FSIP1: variants seen among roughly 807,000 people sequenced by gnomAD.
FSIP1 encodes the protein fibrous sheath-interacting protein 1.
FSIP1 carries 65 observed loss-of-function variants against 60.9 expected under a neutral mutation model. The ratio of observed to expected loss-of-function variants is 1.07; its 90% CI spans 0.87 to 1.31. The LOEUF (loss-of-function observed/expected upper bound fraction) is 1.31, where lower values mean the gene tolerates loss of function less well. Among genes scored for constraint, FSIP1 ranks in the 40% most tolerant of loss-of-function variants. The probability of loss-of-function intolerance (pLI) is 0.00; values close to 1 mark genes in which losing one functional copy is unlikely to be tolerated. For missense variants in FSIP1, 675 were observed against 665.5 expected, an observed-to-expected ratio of 1.01 and a Z score of -0.16; for synonymous variants, 209 against 221.2, an observed-to-expected ratio of 0.94 and a Z score of 0.49.
chr15:39,675,217 T>C (rs906713382), intron 10 of FSIP1, among the ~76,000 whole-genome samples: 6 of 152,186 alleles, frequency 3.9e-5, no homozygotes, highest in African/African-American at 1.4e-4. Flanking sequence ...TTCTTAAATA[T>C]TGCTGGTAGG....
At chr15:39,770,291 CTA>C (rs1897835973) in intron 3 of FSIP1, 134 bp downstream of exon 3, 1 of 545,302 alleles carries the variant, frequency 1.8e-6, no homozygotes, top group Non-Finnish European at 3.0e-6. Context: ...CACAAATAGT[CTA>C]TGTCTTTTTT....
intron 10 of FSIP1, among the ~76,000 whole-genome samples, chr15:39,653,437 A>G (rs567682932): frequency 5.3e-5 from 8 of 152,270 alleles, no homozygotes; most frequent in Non-Finnish European, 8.8e-5. Flanking sequence ...ATTTTTTAAA[A>G]CTTTTTTACT....
chr15:39,737,048 G>T (rs1209601293), intron 8 of FSIP1, among the ~76,000 whole-genome samples: 1 of 152,126 alleles, frequency 6.6e-6, no homozygotes, highest in Admixed American at 6.5e-5. Flanking sequence ...ATGGGCAGGG[G>T]GCCAGCAGCA....
chr15:39,659,968 AG>A (rs1223253988), intron 10 of FSIP1, among the ~76,000 whole-genome samples: 1 of 152,222 alleles, frequency 6.6e-6, no homozygotes, highest in Admixed American at 6.5e-5. Flanking sequence ...CACAAGACTT[AG>A]TGTGACTTCT....
chr15:39,730,224 C>A (rs1415951174), intron 8 of FSIP1, among the ~76,000 whole-genome samples: 1 of 152,010 alleles, frequency 6.6e-6, no homozygotes, highest in Non-Finnish European at 1.5e-5. Flanking sequence ...TTGTTTGGGA[C>A]CTTTTGAAAC....
chr15:39,744,453 G>T (rs988367624), intron 5 of FSIP1, among the ~76,000 whole-genome samples: 1 of 152,164 alleles, frequency 6.6e-6, no homozygotes, highest in Non-Finnish European at 1.5e-5. Context: ...TAGAGGACCT[G>T]GAAGACCAGC....
At chr15:39,601,060 C>A in intron 11 of FSIP1, 134 bp from the exon 12 acceptor site, 1 of 636,750 alleles carries the variant, frequency 1.6e-6, no homozygotes, top group Non-Finnish European at 2.6e-6. Context: ...TTAATACTTA[C>A]TGAACAGTCA....
At chr15:39,739,448 T>A (rs1896728875) in intron 7 of FSIP1, among the ~76,000 whole-genome samples, 1 of 152,246 alleles carries the variant, frequency 6.6e-6, no homozygotes, top group Non-Finnish European at 1.5e-5. Flanking sequence ...CACCTACCAT[T>A]TTTAAAAAGA....
downstream of FSIP1, chr15:39,597,971 T>C (rs933539192): frequency 6.6e-6 from 1 of 152,174 alleles, no homozygotes; most frequent in Non-Finnish European, 1.5e-5. Flanking sequence ...GCATTACAGA[T>C]ACCTCCTCTT....
intron 7 of FSIP1, 62 bp downstream of exon 7, chr15:39,739,603 A>G (rs1352865453): frequency 6.9e-7 from 1 of 1,442,172 alleles, no homozygotes. Flanking sequence ...GAACAAAACT[A>G]TTGCCATTTT....
rs1896206748 is a variant in FSIP1, at chr15:39,726,623, C to T, written c.1016G>A (p.Ser339Asn). The stretch of plus-strand genomic sequence containing the variant: ...CCGATTTTCAAGTCTTGGAGAAAAA[C>T]TGGAAATTGTAGGGGAGGCTGCAGA... ...ELSAASPTISSFSPRLENRNN... is the reference protein window; with the variant it reads ...ELSAASPTISNFSPRLENRNN... The change falls in exon 9 of 12, where the codon AGT becomes AAT. Residue 339 changes from serine (S) to asparagine (N), a missense_variant. Transcript: ENST00000350221. 1.9e-6 allele frequency: 3 copies of T among 1,614,022 alleles called. No individual in the cohort carries two copies. Among genetic ancestry groups the T allele is most frequent in the Non-Finnish European group, 2.5e-6 (3 of 1,179,990 alleles).
At chr15:39,770,169 C>T (rs370157069) in intron 3 of FSIP1, among the ~76,000 whole-genome samples, 1 of 152,060 alleles carries the variant, frequency 6.6e-6, no homozygotes, top group African/African-American at 2.4e-5. Flanking sequence ...GAAATACTCC[C>T]TACTTGATTA....
At chr15:39,623,344 T>C (rs892336209) in intron 10 of FSIP1, among the ~76,000 whole-genome samples, 2 of 152,222 alleles carry the variant, frequency 1.3e-5, no homozygotes, top group African/African-American at 4.8e-5. Flanking sequence ...TGTCCTTTGA[T>C]GTAAGCTTAC....
intron 10 of FSIP1, among the ~76,000 whole-genome samples, chr15:39,671,393 A>AT (rs1190462043): frequency 6.6e-6 from 1 of 152,188 alleles, no homozygotes; most frequent in South Asian, 2.1e-4. Flanking sequence ...TTTTATGTTG[A>AT]TTTTTTTTAA....
intron 2 of FSIP1, among the ~76,000 whole-genome samples, chr15:39,773,676 A>C (rs935513957): frequency 6.6e-6 from 1 of 152,244 alleles, no homozygotes; most frequent in Non-Finnish European, 1.5e-5. Flanking sequence ...TCTACTTAAA[A>C]TTTTTTAAAA....
At position 39,617,839 on chromosome 15, in the gene FSIP1, A is replaced by G; in HGVS notation, c.1595T>C (p.Leu532Pro). ...FMSKTLGIGR[L>P]KRPSFLDDPL... ...ATCATCTAAGAAGGAGGGCCTTTTC[A>G]GTCTCCCAATGCCAAGAGTCTTCGA... The change falls in exon 11 of 12, where the codon CTG (leucine) becomes CCG (proline). Residue 532 changes from leucine to proline, a missense_variant. Leu to Pro is a moderately conservative substitution (Grantham distance 98). Transcript: ENST00000350221. The G allele has an allele frequency of 1.2e-6, 2 of 1,614,166 alleles. No homozygotes were observed. The highest frequency in any genetic ancestry group is 1.7e-6 in the Non-Finnish European group (2 of 1,180,018).
intron 10 of FSIP1, among the ~76,000 whole-genome samples, chr15:39,629,255 G>T (rs1387319058): frequency 6.6e-6 from 1 of 152,188 alleles, no homozygotes; most frequent in Non-Finnish European, 1.5e-5. Flanking sequence ...GGGCACCCAA[G>T]AGGTAAAGAT....
At position 39,602,961 on chromosome 15, in the gene FSIP1, G is replaced by A. The variant is rs564993172; in HGVS notation, c.1700-2035C>T. Among the ~76,000 whole-genome samples the A allele has an allele frequency of 1.6e-4, 25 of 152,234 alleles. No individual in the cohort carries two copies. The South Asian group carries it at 5.2e-3, about 32-fold the overall frequency. On this transcript the variant is annotated intron_variant, in intron 11 of 11. Coordinates refer to ENST00000350221, the MANE Select transcript of FSIP1 (RefSeq NM_152597.5). ...ACCTAGAACAACGGTCCTCAACTGG[G>A]GGAAATTTTGCCCCCAAAGAACATT...
intron 1 of FSIP1, among the ~76,000 whole-genome samples, chr15:39,779,201 C>T (rs1055519364): frequency 4.6e-5 from 7 of 151,988 alleles, no homozygotes; most frequent in African/African-American, 1.7e-4. Context: ...AGATTTTAAA[C>T]AGAAATGCAC....
Sources: allele counts gnomAD v4.1 joint callset (sites outside exome capture counted in the v4.1 genomes callset), GRCh38; gene constraint gnomAD v4.1.1; transcripts MANE v1.5; gene names NCBI Gene and HGNC (gene_info 2026-07-23, HGNC 2026-07-21).